The following DNAH7 variants were observed in gnomAD, a reference collection of about 807,000 sequenced individuals.
DNAH7 encodes dynein axonemal heavy chain 7.
A neutral mutation model predicts 444.6 loss-of-function variants in DNAH7; 397 were observed. That is an observed-to-expected ratio of 0.89 (90% CI 0.82 to 0.97). The LOEUF is 0.97. Among genes scored for constraint, DNAH7 ranks in the 50% least tolerant of loss-of-function variants. The probability of loss-of-function intolerance (pLI) is 0.00; values close to 1 mark genes in which losing one functional copy is unlikely to be tolerated. For synonymous variants in DNAH7, 1,636 were observed against 1,624.4 expected (o/e 1.01, Z -0.17); for missense variants, 4,902 against 4,800.8 (o/e 1.02, Z -0.62).
At chr2:195,968,371 C>G (rs1173527489) in intron 17 of DNAH7, among the ~76,000 whole-genome samples, 1 of 152,162 alleles carries the variant, frequency 6.6e-6, no homozygotes, top group Non-Finnish European at 1.5e-5. Context: ...GCCTTCAAGG[C>G]AGTGGGTTCT....
chr2:196,040,201 A>T (rs927409754), intron 5 of DNAH7, among the ~76,000 whole-genome samples: 1 of 152,142 alleles, frequency 6.6e-6, no homozygotes, highest in South Asian at 2.1e-4. Flanking sequence ...AGAGAAAGGA[A>T]TTTTTCCTAA....
intron 62 of DNAH7, among the ~76,000 whole-genome samples, chr2:195,755,129 G>A (rs890062833): frequency 5.3e-5 from 8 of 152,196 alleles, no homozygotes; most frequent in African/African-American, 1.9e-4. Flanking sequence ...TAGTTGAACA[G>A]AAGAAGAGAT....
At chr2:195,926,077 T>C (rs1317593781) in intron 22 of DNAH7, among the ~76,000 whole-genome samples, 1 of 152,142 alleles carries the variant, frequency 6.6e-6, no homozygotes, top group Non-Finnish European at 1.5e-5. Context: ...TAAAAGAGAA[T>C]ACTGTTACTT....
Position 195,950,634 on chromosome 2 carries a change from G to A in DNAH7, c.3078+6627C>T, listed in dbSNP as rs1030609914. ...GAGGCTGAAGCGGGCAGATCACAAGGTCAAGGGATCGAAACCATCCTGGCT... is the reference window on the plus strand; with the variant it reads ...GAGGCTGAAGCGGGCAGATCACAAGATCAAGGGATCGAAACCATCCTGGCT... On this transcript the variant is annotated intron_variant, in intron 19 of 64. Transcript: ENST00000312428. 2.1e-4 allele frequency among the ~76,000 whole-genome samples: 32 copies of A among 151,846 alleles called. 1 individual carries two copies. The highest frequency in any genetic ancestry group is 6.6e-5 in the Admixed American group (1 of 15,244).
At chr2:195,888,189 A>T in intron 33 of DNAH7, 69 bp downstream of exon 33, 1 of 1,289,818 alleles carries the variant, frequency 7.8e-7, no homozygotes, top group Non-Finnish European at 1.1e-6. Flanking sequence ...ACAGACATTA[A>T]AATTGATATG....
At chr2:195,767,392 T>C (rs570687817) in intron 61 of DNAH7, among the ~76,000 whole-genome samples, 52 of 152,220 alleles carry the variant, frequency 3.4e-4, no homozygotes, top group African/African-American at 1.1e-3. Context: ...AAGAAAAGTA[T>C]ATTATACTCT....
chr2:196,036,027 C>CTTT (rs750452521), intron 5 of DNAH7, among the ~76,000 whole-genome samples: 2 of 129,512 alleles, frequency 1.5e-5, no homozygotes, highest in African/African-American at 2.8e-5. Flanking sequence ...TCTCCACATT[C>CTTT]TTTTTTTTTT....
chr2:195,983,116 C>T (rs779696362), intron 15 of DNAH7, among the ~76,000 whole-genome samples: 2 of 151,548 alleles, frequency 1.3e-5, no homozygotes, highest in Non-Finnish European at 2.9e-5. Flanking sequence ...CTGCTATGTA[C>T]CCATGAAAAT....
chr2:196,061,757 GAGGAA>G (rs939167874), intron 1 of DNAH7, among the ~76,000 whole-genome samples: 13 of 152,186 alleles, frequency 8.5e-5, no homozygotes, highest in African/African-American at 2.9e-4. Context: ...AGAACGGGAA[GAGGAA>G]AGGAGACAGA....
At chr2:196,014,350 C>A (rs1694889167) in intron 9 of DNAH7, among the ~76,000 whole-genome samples, 1 of 152,106 alleles carries the variant, frequency 6.6e-6, no homozygotes, top group African/African-American at 2.4e-5. Context: ...TTCTAATCAC[C>A]AAAATAACTT....
chr2:195,980,873 G>C (rs1692528816), intron 15 of DNAH7, among the ~76,000 whole-genome samples: 1 of 151,162 alleles, frequency 6.6e-6, no homozygotes, highest in African/African-American at 2.4e-5. Context: ...CCACAGGACA[G>C]ACTCACAGCT....
At position 196,024,499 on chromosome 2, in the gene DNAH7, A is replaced by C; in HGVS notation, c.673T>G (p.Phe225Val). Reference protein sequence around the residue: ...LLSVRKSIVDFVLKDPREKGD... With the variant: ...LLSVRKSIVDVVLKDPREKGD... ...TTCTCTCGAGGATCTTTTAAAACAA[A>C]ATCAACTAAAAGAAAATTTTAAAAT... The change falls in exon 8 of 65, where the codon TTT (phenylalanine) becomes GTT (valine). Residue 225 changes from phenylalanine (F) to valine (V), a missense_variant. Transcript: ENST00000312428. 1 of 1,561,564 alleles carries C rather than the reference A, an allele frequency of 6.4e-7. No homozygotes were observed. Among genetic ancestry groups the C allele is most frequent in the Non-Finnish European group, 8.7e-7 (1 of 1,155,820 alleles).
intron 61 of DNAH7, among the ~76,000 whole-genome samples, chr2:195,764,503 C>G (rs1694483192): frequency 6.6e-6 from 1 of 151,932 alleles, no homozygotes; most frequent in Admixed American, 6.6e-5. Flanking sequence ...AAGACTCCAC[C>G]AAAAATACTG....
intron 21 of DNAH7, among the ~76,000 whole-genome samples, chr2:195,929,152 G>A (rs1039213586): frequency 6.6e-6 from 1 of 151,938 alleles, no homozygotes; most frequent in African/African-American, 2.4e-5. Context: ...AAATACCTAG[G>A]AATTCATCTA....
intron 41 of DNAH7, 77 bp downstream of exon 41, chr2:195,864,072 G>A (rs1475715651): frequency 1.4e-6 from 2 of 1,455,882 alleles, no homozygotes; most frequent in Non-Finnish European, 1.9e-6. Flanking sequence ...TACAGGTTGG[G>A]AATCTATAAA....
intron 10 of DNAH7, among the ~76,000 whole-genome samples, chr2:196,005,665 A>T (rs982850897): frequency 2.0e-5 from 3 of 152,158 alleles, no homozygotes; most frequent in Non-Finnish European, 4.4e-5. Context: ...ACTTAAAAAG[A>T]CATAGAAAAT....
At position 195,853,525 on chromosome 2, in the gene DNAH7, CA is replaced by C; in HGVS notation, c.8598del (p.Asp2867ThrfsTer7). 6.2e-7 allele frequency: 1 copy of C among 1,605,828 alleles called. No individual in the cohort carries two copies. Among genetic ancestry groups the C allele is most frequent in the Non-Finnish European group, 8.5e-7 (1 of 1,175,844 alleles). On this transcript the variant is annotated frameshift_variant and splice_region_variant, in exon 46 of 65. Coordinates refer to ENST00000312428, the MANE Select transcript of DNAH7 (RefSeq NM_018897.3). LOFTEE classifies it high-confidence loss of function. ...KQKKADLENQ[V>X]DLCSKKLERA... ...CGTTCTAGTTTTTTGCTGCAAAGGT[CA>C]ACCTCGAAAATAAAAGTGAGCTTTT... is the stretch of plus-strand genomic sequence containing the variant.
chr2:196,028,547 G>A (rs757744545), intron 5 of DNAH7, among the ~76,000 whole-genome samples: 16 of 152,160 alleles, frequency 1.1e-4, no homozygotes, highest in Non-Finnish European at 1.8e-4. Context: ...ATGTGCCTAT[G>A]TATTTATTAT....
At chr2:195,796,791 A>G (rs573000982) in intron 55 of DNAH7, 54 bp from the exon 56 acceptor site, 1 of 1,541,186 alleles carries the variant, frequency 6.5e-7, no homozygotes, top group African/African-American at 1.4e-5. Flanking sequence ...AAGAAACATC[A>G]ATATTGTTTT....
Sources: allele counts gnomAD v4.1 joint callset (sites outside exome capture counted in the v4.1 genomes callset), GRCh38; gene constraint gnomAD v4.1.1; transcripts MANE v1.5; gene names NCBI Gene and HGNC (gene_info 2026-07-23, HGNC 2026-07-21).